Variants in HYDIN observed in about 807,000 individuals in gnomAD.
HYDIN encodes axonemal central pair apparatus protein HYDIN.
In HYDIN, 132 loss-of-function variants were observed where a neutral mutation model predicts 403.9. The ratio of observed to expected loss-of-function variants is 0.33; its 90% CI spans 0.28 to 0.38. The LOEUF (loss-of-function observed/expected upper bound fraction) is 0.38, where lower values mean the gene tolerates loss of function less well. HYDIN is among the 10% of genes least tolerant of loss of function. The pLI, the probability that HYDIN is intolerant of heterozygous loss-of-function variation, is 1.00. For synonymous variants in HYDIN, 1,202 were observed against 1,891.7 expected, an observed-to-expected ratio of 0.64 and a Z score of 9.46; for missense variants, 2,827 against 5,009.5, an observed-to-expected ratio of 0.56 and a Z score of 13.15.
chr16:71,008,211 G>A (rs558825057), intron 23 of HYDIN, among the ~76,000 whole-genome samples: 59 of 150,920 alleles, frequency 3.9e-4, no homozygotes, highest in Non-Finnish European at 6.3e-4. Context: ...CCTGGGTGAC[G>A]GGATCCATAC....
In HYDIN at chr16:71,224,662, C is replaced by T. The variant is rs933226611; in HGVS notation, c.-24+5900G>A. The stretch of plus-strand genomic sequence containing the variant: ...CTGCAAGCTCCGCCTCCCGGGTTCA[C>T]GCCATTCTCCTGCCTCAGCCTCCCA... On this transcript the variant is annotated intron_variant, in intron 1 of 85. Coordinates refer to ENST00000393567, the MANE Select transcript of HYDIN (RefSeq NM_001270974.2). 4.5e-4 allele frequency among the ~76,000 whole-genome samples: 66 copies of T among 147,542 alleles called. 1 individual carries two copies. The highest frequency in any genetic ancestry group is 1.5e-3 in the Admixed American group (22 of 14,874).
intron 75 of HYDIN, among the ~76,000 whole-genome samples, chr16:70,842,587 T>C (rs1490501893): frequency 1.3e-5 from 2 of 152,024 alleles, no homozygotes; most frequent in Non-Finnish European, 2.9e-5. Context: ...TTTTCTATCC[T>C]TTTACTTTAA....
intron 13 of HYDIN, among the ~76,000 whole-genome samples, chr16:71,078,281 T>A (rs2082678184): frequency 2.0e-5 from 3 of 151,594 alleles, no homozygotes; most frequent in Non-Finnish European, 2.9e-5. Context: ...TCTTCAGGGG[T>A]AGATATTTGA....
chr16:70,976,725 A>G (rs1432538119), intron 30 of HYDIN, among the ~76,000 whole-genome samples: 1 of 152,238 alleles, frequency 6.6e-6, no homozygotes, highest in Non-Finnish European at 1.5e-5. Context: ...AGGAGATTCC[A>G]TTTTGTATAT....
chr16:70,855,221 T>C lies in HYDIN; in HGVS notation c.12350A>G (p.Asp4117Gly), dbSNP rs2038942702. 1.9e-6 allele frequency: 3 copies of C among 1,567,024 alleles called. 1 individual carries two copies. The highest frequency in any genetic ancestry group is 3.7e-5 in the African/African-American group (2 of 54,390). Residue 4117 changes from aspartate (D) to glycine (G), a missense_variant, in exon 73 of 86, where the codon GAT becomes GGT. Transcript: ENST00000393567. The stretch of plus-strand genomic sequence containing the variant: ...GCGGGAGTTGTCCTGGAAGGAAAAA[T>C]CGAACCCCTGCTCCTCCTTGTTAAT... ...QIINKEEQGFDFSFQDNSRYS... is the reference protein window; with the variant it reads ...QIINKEEQGFGFSFQDNSRYS...
intron 13 of HYDIN, 105 bp from the exon 14 acceptor site, chr16:71,069,607 C>G: frequency 1.5e-6 from 1 of 646,388 alleles, no homozygotes; most frequent in Non-Finnish European, 2.7e-6. Context: ...ACTGTCTGTG[C>G]TATTCATTAC....
chr16:71,125,533 T>C (rs1384616953), intron 9 of HYDIN, among the ~76,000 whole-genome samples: 1 of 152,168 alleles, frequency 6.6e-6, no homozygotes, highest in Non-Finnish European at 1.5e-5. Flanking sequence ...TTAACTGCAA[T>C]ACCCTGTTTG....
At chr16:71,126,893 G>A (rs731316) in intron 9 of HYDIN, among the ~76,000 whole-genome samples, 11,728 of 149,994 alleles carry the variant, frequency 0.078, 1,586 homozygotes, top group African/African-American at 0.28. Context: ...TACCTGAATC[G>A]GAAAACCAAA....
intron 75 of HYDIN, among the ~76,000 whole-genome samples, chr16:70,844,702 T>C (rs2038078094): frequency 7.4e-6 from 1 of 134,888 alleles, no homozygotes; most frequent in Non-Finnish European, 1.6e-5. Flanking sequence ...CATTTGTTTG[T>C]ATCCTCTTTT....
At position 71,224,762 on chromosome 16, in the gene HYDIN, C is replaced by T. The variant is rs1169813308; in HGVS notation, c.-24+5800G>A. Among the ~76,000 whole-genome samples, 11 of 151,612 alleles carry T rather than the reference C, an allele frequency of 7.3e-5. No individual in the cohort carries two copies. In the South Asian group the frequency reaches 1.0e-3, roughly 14 times the overall value. On this transcript the variant is annotated intron_variant, in intron 1 of 85. Transcript: ENST00000393567. ...ATTTTTAGTAGAGACGGGGTTTCAC[C>T]GTTTTAGCCGGGATGGTCTCGATCT...
chr16:70,978,848 C>T (rs547663960), intron 30 of HYDIN, 66 bp downstream of exon 30: 13 of 1,310,870 alleles, frequency 9.9e-6, no homozygotes, highest in Middle Eastern at 2.1e-4. Context: ...CTGCACACAA[C>T]TCCTATGCAC....
intron 8 of HYDIN, among the ~76,000 whole-genome samples, chr16:71,135,563 G>A (rs1350566374): frequency 6.8e-6 from 1 of 146,040 alleles, no homozygotes; most frequent in Non-Finnish European, 1.5e-5. Flanking sequence ...ATGCCCACAG[G>A]ACAAGAATGA....
intron 41 of HYDIN, among the ~76,000 whole-genome samples, chr16:70,946,956 T>A (rs1408622167): frequency 6.6e-6 from 1 of 152,138 alleles, no homozygotes; most frequent in Non-Finnish European, 1.5e-5. Flanking sequence ...CAATGGGGTT[T>A]TCTAGATATA....
In HYDIN at chr16:71,129,702, T is replaced by C; in HGVS notation, c.1165A>G (p.Arg389Gly). The part of the protein sequence containing the change: ...SVLSRTFANQ[R>G]RLVQGDSKLF... ...TTGCTGTCTCCCTGCACCAGCCTCCTCTGATTCGCAAAGGTTCGGGACAGA... is the reference window on the plus strand; with the variant it reads ...TTGCTGTCTCCCTGCACCAGCCTCCCCTGATTCGCAAAGGTTCGGGACAGA... The change falls in exon 9 of 86, where the codon AGG becomes GGG. Residue 389 changes from arginine to glycine, a missense_variant. Coordinates refer to ENST00000393567, the MANE Select transcript of HYDIN (RefSeq NM_001270974.2). The C allele has an allele frequency of 6.8e-6, 11 of 1,614,204 alleles. No homozygotes were observed. Among genetic ancestry groups the C allele is most frequent in the Non-Finnish European group, 9.3e-6 (11 of 1,180,042 alleles).
chr16:70,919,440 C>A (rs868757471), intron 46 of HYDIN, among the ~76,000 whole-genome samples: 2 of 151,906 alleles, frequency 1.3e-5, no homozygotes, highest in Non-Finnish European at 1.5e-5. Flanking sequence ...CCTGTGGTGC[C>A]ACCCGGGACC....
At chr16:71,214,391 A>G (rs1325355203) in intron 1 of HYDIN, among the ~76,000 whole-genome samples, 1 of 152,210 alleles carries the variant, frequency 6.6e-6, no homozygotes, top group Non-Finnish European at 1.5e-5. Context: ...ATGAGACTTG[A>G]CATGCTGAGT....
intron 45 of HYDIN, among the ~76,000 whole-genome samples, chr16:70,921,943 C>T (rs1019817440): frequency 2.0e-5 from 3 of 152,204 alleles, no homozygotes; most frequent in African/African-American, 4.8e-5. Flanking sequence ...TGATTTTCTC[C>T]TCCCCTGGAT....
chr16:70,931,210 G>GGT (rs1555575146), intron 45 of HYDIN, among the ~76,000 whole-genome samples: 127 of 59,506 alleles, frequency 2.1e-3, no homozygotes, highest in African/African-American at 7.7e-3. Context: ...TCTTTCTTCT[G>GGT]TTTTTTTTTT....
Position 70,938,768 on chromosome 16 carries a change from C to G in HYDIN, c.6854-13G>C. 1 of 1,613,662 alleles carries G rather than the reference C, an allele frequency of 6.2e-7. No individual in the cohort carries two copies. The highest frequency in any genetic ancestry group is 2.2e-5 in the East Asian group (1 of 44,872). On this transcript the variant is annotated splice_polypyrimidine_tract_variant and intron_variant, in intron 43 of 85. Coordinates refer to ENST00000393567, the MANE Select transcript of HYDIN (RefSeq NM_001270974.2). Reference sequence around the variant, plus strand: ...TTGTGCTTGCGTTCTGTGAGGGGAACAGAGACGGGAAGGTGAGGAAAAGTC... The same window carrying G: ...TTGTGCTTGCGTTCTGTGAGGGGAAGAGAGACGGGAAGGTGAGGAAAAGTC...
Sources: allele counts gnomAD v4.1 joint callset (sites outside exome capture counted in the v4.1 genomes callset), GRCh38; gene constraint gnomAD v4.1.1; transcripts MANE v1.5; gene names NCBI Gene and HGNC (gene_info 2026-07-23, HGNC 2026-07-21).